ZNF385D: variants seen among roughly 807,000 people sequenced by gnomAD.
The protein encoded by ZNF385D is zinc finger protein 385D, also known as zinc finger protein 659.
Under a neutral mutation model 35.8 loss-of-function variants are expected in ZNF385D, and 15 were observed. The observed-to-expected ratio is 0.42, with a 90% confidence interval of 0.28 to 0.64. The LOEUF (loss-of-function observed/expected upper bound fraction) is 0.64. ZNF385D is among the 30% of genes least tolerant of loss of function. The probability of loss-of-function intolerance (pLI) is 0.23; values close to 1 mark genes in which losing one functional copy is unlikely to be tolerated. For synonymous variants in ZNF385D, 212 were observed against 186.8 expected (o/e 1.13, Z -1.10); for missense variants, 474 against 494.6 (o/e 0.96, Z 0.39).
rs374139399 is a variant in ZNF385D, at chr3:21,430,749, C to G, written c.674-5079G>C. Among the ~76,000 whole-genome samples, 4 of 152,140 alleles carry G rather than the reference C, an allele frequency of 2.6e-5. No individual in the cohort carries two copies. The South Asian group carries it at 8.3e-4, about 31-fold the overall frequency. On this transcript the variant is annotated intron_variant, in intron 5 of 7. Transcript: ENST00000281523. The stretch of plus-strand genomic sequence containing the variant: ...TCTTCTCCTTAAAAACAAGGCCCTT[C>G]CTTAAGGCCATGGAAAATACCACAT...
At chr3:21,514,581 T>G (rs1196246099) in intron 3 of ZNF385D, among the ~76,000 whole-genome samples, 1 of 152,030 alleles carries the variant, frequency 6.6e-6, no homozygotes, top group Non-Finnish European at 1.5e-5. Flanking sequence ...CAACTGGACT[T>G]AAGTCAACCA....
chr3:21,682,004 T>C (rs914142740), intron 1 of ZNF385D, among the ~76,000 whole-genome samples: 5 of 152,166 alleles, frequency 3.3e-5, no homozygotes, highest in African/African-American at 7.2e-5. Flanking sequence ...TTTGACATCA[T>C]TGAGGCCAGA....
intron 3 of ZNF385D, among the ~76,000 whole-genome samples, chr3:21,861,892 G>T (rs1014422088): frequency 6.6e-6 from 1 of 152,066 alleles, no homozygotes; most frequent in Non-Finnish European, 1.5e-5. Context: ...AGTGAGACAT[G>T]AAGGTCTAGT....
At chr3:21,689,324 T>C (rs2067208520) in intron 1 of ZNF385D, among the ~76,000 whole-genome samples, 1 of 152,034 alleles carries the variant, frequency 6.6e-6, no homozygotes, top group African/African-American at 2.4e-5. Context: ...ACTGAAGAGG[T>C]GTGTGCTCTG....
intron 3 of ZNF385D, among the ~76,000 whole-genome samples, chr3:22,101,668 GT>G (rs760908230): frequency 6.6e-6 from 1 of 151,218 alleles, no homozygotes; most frequent in Non-Finnish European, 1.5e-5. Flanking sequence ...GGGCATGTAC[GT>G]TTTGCAACAG....
At chr3:21,829,889 C>T (rs1694880447) in intron 3 of ZNF385D, among the ~76,000 whole-genome samples, 1 of 151,930 alleles carries the variant, frequency 6.6e-6, no homozygotes, top group African/African-American at 2.4e-5. Flanking sequence ...TTTGGGAGGT[C>T]GAGGCAGGAG....
chr3:21,779,522 A>G (rs1349843852), intron 3 of ZNF385D, among the ~76,000 whole-genome samples: 1 of 152,144 alleles, frequency 6.6e-6, no homozygotes, highest in South Asian at 2.1e-4. Context: ...TCAAATATCT[A>G]TCATAATTAG....
intron 2 of ZNF385D, among the ~76,000 whole-genome samples, chr3:22,314,436 A>G (rs968101186): frequency 1.3e-5 from 2 of 152,188 alleles, no homozygotes; most frequent in Non-Finnish European, 2.9e-5. Flanking sequence ...TCCAGATTGC[A>G]GTGAATGCCA....
At chr3:21,722,483 G>T (rs1306232440) in intron 1 of ZNF385D, among the ~76,000 whole-genome samples, 2 of 152,208 alleles carry the variant, frequency 1.3e-5, no homozygotes, top group Non-Finnish European at 2.9e-5. Context: ...TCAGGCCCAG[G>T]CCTGCTTCTC....
chr3:21,573,932 C>A (rs935717572), intron 2 of ZNF385D, among the ~76,000 whole-genome samples: 2 of 151,518 alleles, frequency 1.3e-5, no homozygotes, highest in African/African-American at 2.4e-5. Flanking sequence ...TGGTGGCGGG[C>A]GCTTGTAATC....
chr3:22,080,148 G>A (rs551448771), intron 3 of ZNF385D, among the ~76,000 whole-genome samples: 1 of 152,238 alleles, frequency 6.6e-6, no homozygotes, highest in South Asian at 2.1e-4. Context: ...GTTCTGAAAT[G>A]TGCCTGTCTA....
chr3:22,256,651 C>T (rs1700334490), intron 2 of ZNF385D, among the ~76,000 whole-genome samples: 1 of 151,862 alleles, frequency 6.6e-6, no homozygotes, highest in South Asian at 2.1e-4. Context: ...TGTATAGCAG[C>T]AGTTATCATA....
At chr3:22,325,747 G>T (rs1694646135) in intron 2 of ZNF385D, among the ~76,000 whole-genome samples, 1 of 152,156 alleles carries the variant, frequency 6.6e-6, no homozygotes, top group Admixed American at 6.5e-5. Flanking sequence ...AACAGAGCGA[G>T]ACTCTGTCTC....
At position 22,309,479 on chromosome 3, in the gene ZNF385D, A is replaced by C. The variant is rs117682223; in HGVS notation, c.106+62971T>G. 8.8e-4 allele frequency among the ~76,000 whole-genome samples: 134 copies of C among 152,178 alleles called. 4 individuals carry two copies. In the East Asian group the frequency reaches 0.022, roughly 25 times the overall value. On this transcript the variant is annotated intron_variant, in intron 2 of 5. Coordinates refer to the ZNF385D transcript ENST00000494108. ...ATGACATCAAACTATTTTTGTCTCGACTATATAGAGAGTATTAATATAAGG... is the reference window on the plus strand; with the variant it reads ...ATGACATCAAACTATTTTTGTCTCGCCTATATAGAGAGTATTAATATAAGG...
intron 3 of ZNF385D, among the ~76,000 whole-genome samples, chr3:21,558,582 A>G (rs1271493717): frequency 3.9e-5 from 6 of 152,238 alleles, no homozygotes; most frequent in Admixed American, 3.3e-4. Flanking sequence ...TATGTGATCA[A>G]TTTTAGAATA....
chr3:21,585,993 A>T (rs2063798180), intron 2 of ZNF385D, among the ~76,000 whole-genome samples: 1 of 151,592 alleles, frequency 6.6e-6, no homozygotes, highest in Admixed American at 6.6e-5. Flanking sequence ...ACATAGCAAG[A>T]CCCCATCTCT....
chr3:22,179,044 C>T (rs1290865601), intron 2 of ZNF385D, among the ~76,000 whole-genome samples: 3 of 152,040 alleles, frequency 2.0e-5, no homozygotes, highest in Admixed American at 2.0e-4. Context: ...GTTCTTTTGG[C>T]TTAGGATTGA....
intron 3 of ZNF385D, among the ~76,000 whole-genome samples, chr3:22,120,018 C>A (rs115744604): frequency 0.014 from 1,957 of 143,084 alleles, 14 homozygotes; most frequent in Non-Finnish European, 0.022. Flanking sequence ...TTGGTAGAAA[C>A]AGGATCTCAC....
chr3:21,991,352 CTT>C (rs1695134136), intron 3 of ZNF385D, among the ~76,000 whole-genome samples: 1 of 152,170 alleles, frequency 6.6e-6, no homozygotes, highest in African/African-American at 2.4e-5. Flanking sequence ...ATGCTCTCAG[CTT>C]TCAGATCTAT....
Sources: allele counts gnomAD v4.1 joint callset (sites outside exome capture counted in the v4.1 genomes callset), GRCh38; gene constraint gnomAD v4.1.1; transcripts MANE v1.5; gene names NCBI Gene and HGNC (gene_info 2026-07-23, HGNC 2026-07-21).